Variants in TMEM117 observed in about 807,000 individuals in gnomAD.
TMEM117 encodes the protein transmembrane protein 117.
A neutral mutation model predicts 52.4 loss-of-function variants in TMEM117; 27 were observed. The ratio of observed to expected loss-of-function variants is 0.51; its 90% CI spans 0.38 to 0.71. The LOEUF (loss-of-function observed/expected upper bound fraction) is 0.71, where lower values mean the gene tolerates loss of function less well. Among genes scored for constraint, TMEM117 ranks in the 30% least tolerant of loss-of-function variants. The probability of loss-of-function intolerance (pLI) is 0.00; values close to 1 mark genes in which losing one functional copy is unlikely to be tolerated. For missense variants in TMEM117, 556 were observed against 630.5 expected (o/e 0.88, Z 1.26); for synonymous variants, 215 against 206.3 (o/e 1.04, Z -0.36).
chr12:43,812,705 T>C, the TMEM117 span, among the ~76,000 whole-genome samples: 1 of 152,094 alleles, frequency 6.6e-6, no homozygotes, highest in Non-Finnish European at 1.5e-5. Context: ...TAGGCTGGGC[T>C]CTTTTTAAGA....
intron 2 of TMEM117, among the ~76,000 whole-genome samples, chr12:43,871,103 T>G (rs10785460): frequency 0.72 from 109,404 of 150,974 alleles, 42,434 homozygotes; most frequent in East Asian, 0.89. Context: ...GTTTTTTTTT[T>G]TTTGTTTGTT....
chr12:44,154,765 TAA>T (rs58401059), intron 4 of TMEM117, among the ~76,000 whole-genome samples: 2 of 143,146 alleles, frequency 1.4e-5, no homozygotes, highest in African/African-American at 2.5e-5. Context: ...GCTATATATC[TAA>T]AAAAAAAAAC....
intron 3 of TMEM117, among the ~76,000 whole-genome samples, chr12:44,117,245 T>G (rs936317968): frequency 2.6e-5 from 4 of 152,218 alleles, no homozygotes; most frequent in Non-Finnish European, 5.9e-5. Flanking sequence ...CTACCTGAAA[T>G]GTTTCCACCT....
rs1948530622 is a variant in TMEM117 at position 44,138,924 on chromosome 12, A to T, written c.411-4601A>T. Among the ~76,000 whole-genome samples the T allele has an allele frequency of 2.0e-5, 3 of 152,292 alleles. No homozygotes were observed. The South Asian group carries it at 6.2e-4, about 32-fold the overall frequency. ...AAATGATTGAGGAAAGGTTAATTTTAAAAATCTAGGTTTAGTTCCTGGCAT... is the reference window on the plus strand; with the variant it reads ...AAATGATTGAGGAAAGGTTAATTTTTAAAATCTAGGTTTAGTTCCTGGCAT... On this transcript the variant is annotated intron_variant, in intron 3 of 7. Transcript: ENST00000266534.
chr12:43,990,144 C>A (rs893992211), intron 3 of TMEM117, among the ~76,000 whole-genome samples: 1 of 152,058 alleles, frequency 6.6e-6, no homozygotes, highest in African/African-American at 2.4e-5. Flanking sequence ...AAAGATAGTT[C>A]TTGAAGTAGA....
At chr12:44,190,675 C>T (rs1949339317) in intron 4 of TMEM117, among the ~76,000 whole-genome samples, 1 of 151,992 alleles carries the variant, frequency 6.6e-6, no homozygotes, top group Non-Finnish European at 1.5e-5. Flanking sequence ...AAAAATAAGG[C>T]TTCATGAAAC....
Position 43,854,650 on chromosome 12 carries a change from TA to T in TMEM117, c.277+9723del, listed in dbSNP as rs140321283. On this transcript the variant is annotated intron_variant, in intron 2 of 7. Coordinates refer to ENST00000266534, the MANE Select transcript of TMEM117 (RefSeq NM_032256.3). ...TATTTTTATTTATTTATTTATTTAT[TA>T]TTTTTTTTCTGAACCTCACTCTGTC... is the stretch of plus-strand genomic sequence containing the variant. Among the ~76,000 whole-genome samples, 1,149 of 152,170 alleles carry T rather than the reference TA, an allele frequency of 7.6e-3. 24 individuals carry two copies. Among genetic ancestry groups the T allele is most frequent in the African/African-American group, 0.026 (1,073 of 41,512 alleles).
intron 2 of TMEM117, among the ~76,000 whole-genome samples, chr12:43,861,895 C>T (rs145868497): frequency 3.9e-5 from 6 of 152,230 alleles, no homozygotes; most frequent in African/African-American, 1.4e-4. Flanking sequence ...TGCAATTCAT[C>T]AGATATTTTT....
chr12:43,861,682 T>C (rs898179744), intron 2 of TMEM117, among the ~76,000 whole-genome samples: 4 of 152,216 alleles, frequency 2.6e-5, no homozygotes, highest in Admixed American at 6.5e-5. Context: ...ATTTTAGCTT[T>C]AGGTATGCAA....
rs190371429 is a variant in TMEM117, at chr12:44,091,161, A to G, written c.411-52364A>G. Among the ~76,000 whole-genome samples, 7 of 152,220 alleles carry G rather than the reference A, an allele frequency of 4.6e-5. No individual in the cohort carries two copies. The East Asian group carries it at 1.4e-3, about 29-fold the overall frequency. On this transcript the variant is annotated intron_variant, in intron 3 of 7. Coordinates refer to ENST00000266534, the MANE Select transcript of TMEM117 (RefSeq NM_032256.3). Reference sequence around the variant, plus strand: ...GTGGCGGCAAGAGAAAAAGAGAATGATGCAAAAGTGGAAACCCCTGATAAA... The same window carrying G: ...GTGGCGGCAAGAGAAAAAGAGAATGGTGCAAAAGTGGAAACCCCTGATAAA...
chr12:43,835,830 C>G (rs1008840865), upstream of TMEM117: 2 of 151,978 alleles, frequency 1.3e-5, no homozygotes, highest in Admixed American at 6.6e-5. Flanking sequence ...CTGGAGTCAG[C>G]CCGTGGTGCG....
At chr12:44,261,261 G>T (rs1950317763) in intron 5 of TMEM117, among the ~76,000 whole-genome samples, 1 of 152,128 alleles carries the variant, frequency 6.6e-6, no homozygotes, top group African/African-American at 2.4e-5. Flanking sequence ...AGAAGCTAAG[G>T]CTCAGAAAAG....
intron 3 of TMEM117, among the ~76,000 whole-genome samples, chr12:44,140,943 T>C (rs1028465210): frequency 9.9e-5 from 15 of 152,152 alleles, no homozygotes; most frequent in African/African-American, 3.6e-4. Flanking sequence ...CAACCAGCTG[T>C]GTGTCATGCT....
chr12:44,012,503 TC>T (rs1946309540), intron 3 of TMEM117, among the ~76,000 whole-genome samples: 2 of 151,934 alleles, frequency 1.3e-5, no homozygotes, highest in African/African-American at 2.4e-5. Context: ...TCTTTTTTTT[TC>T]CTCTTTGCTT....
chr12:44,204,826 G>A lies in TMEM117; in HGVS notation c.511-6464G>A, dbSNP rs546174434. On this transcript the variant is annotated intron_variant, in intron 4 of 7. Transcript: ENST00000266534. Reference sequence around the variant, plus strand: ...GAGGGGACTCCCTATTCAATAAATCGTGCTGGGATAACTGGCTAGCCATAT... The same window carrying A: ...GAGGGGACTCCCTATTCAATAAATCATGCTGGGATAACTGGCTAGCCATAT... 1.9e-4 allele frequency among the ~76,000 whole-genome samples: 29 copies of A among 152,212 alleles called. No individual in the cohort carries two copies. In the South Asian group the frequency reaches 3.5e-3, roughly 19 times the overall value.
chr12:43,977,789 G>A (rs1396436624), intron 3 of TMEM117, among the ~76,000 whole-genome samples: 1 of 152,036 alleles, frequency 6.6e-6, no homozygotes, highest in Non-Finnish European at 1.5e-5. Flanking sequence ...GGCATAAGTC[G>A]GACCATTACC....
intron 3 of TMEM117, 107 bp downstream of exon 3, chr12:43,944,449 C>T: frequency 3.8e-6 from 4 of 1,065,046 alleles, no homozygotes; most frequent in Non-Finnish European, 5.4e-6. Context: ...TACAAATATT[C>T]TACCCTAAGA....
At chr12:43,987,611 T>C (rs976192704) in intron 3 of TMEM117, among the ~76,000 whole-genome samples, 1 of 151,994 alleles carries the variant, frequency 6.6e-6, no homozygotes, top group African/African-American at 2.4e-5. Flanking sequence ...CATATTAATC[T>C]AATGGACAAA....
chr12:44,030,439 A>G (rs1255098154), intron 3 of TMEM117, among the ~76,000 whole-genome samples: 1 of 152,200 alleles, frequency 6.6e-6, no homozygotes, highest in Non-Finnish European at 1.5e-5. Context: ...CCTAGTACAT[A>G]ATTAAAATCG....
Sources: allele counts gnomAD v4.1 joint callset (sites outside exome capture counted in the v4.1 genomes callset), GRCh38; gene constraint gnomAD v4.1.1; transcripts MANE v1.5; gene names NCBI Gene and HGNC (gene_info 2026-07-23, HGNC 2026-07-21).